The following IFT81 variants were observed in gnomAD, a reference collection of about 807,000 sequenced individuals.
The protein encoded by IFT81 is intraflagellar transport 81.
IFT81 carries 72 observed loss-of-function variants against 102.6 expected under a neutral mutation model. That is an observed-to-expected ratio of 0.70 (90% CI 0.58 to 0.85). The LOEUF is 0.85. Ranked by LOEUF, IFT81 falls within the 40% of genes least tolerant of loss-of-function variation. The pLI, the probability that IFT81 is intolerant of heterozygous loss-of-function variation, is 0.00. For missense variants in IFT81, 723 were observed against 787.3 expected (o/e 0.92, Z 0.98); for synonymous variants, 237 against 242.7 (o/e 0.98, Z 0.22).
chr12:110,167,290 G>A (rs934965493), intron 11 of IFT81, among the ~76,000 whole-genome samples: 1 of 152,102 alleles, frequency 6.6e-6, no homozygotes, highest in African/African-American at 2.4e-5. Flanking sequence ...CAGTACACAG[G>A]AATAAGCACA....
chr12:110,204,979 A>T (rs1177938831), intron 15 of IFT81: 2 of 154,748 alleles, frequency 1.3e-5, no homozygotes, highest in Non-Finnish European at 2.9e-5. Flanking sequence ...CATGCCTGTA[A>T]TCCCAGCACT....
In IFT81 at chr12:110,143,550, G is replaced by A; in HGVS notation, c.945+5G>A. On this transcript the variant is annotated splice_donor_5th_base_variant and intron_variant, in intron 9 of 18. Transcript: ENST00000242591. The stretch of plus-strand genomic sequence containing the variant: ...CTTCTTGAACTTGAATCTAAAGTAA[G>A]TGAGAATCATCTTTTTATAGCTCTC... 6.5e-7 allele frequency: 1 copy of A among 1,536,336 alleles called. No individual in the cohort carries two copies. The highest frequency in any genetic ancestry group is 8.7e-7 in the Non-Finnish European group (1 of 1,153,214).
intron 14 of IFT81, among the ~76,000 whole-genome samples, chr12:110,197,773 C>T (rs959927493): frequency 4.0e-5 from 6 of 151,764 alleles, no homozygotes; most frequent in African/African-American, 1.2e-4. Flanking sequence ...AGTGCAATGG[C>T]GCAACCTTGG....
chr12:110,127,273 C>T lies in IFT81; in HGVS notation c.-21-87C>T, dbSNP rs112257740. 6.2e-4 allele frequency: 745 copies of T among 1,192,350 alleles called. 2 individuals carry two copies. The African/African-American group carries it at 8.6e-3, about 14-fold the overall frequency. The allele number at this position is 1,192,350 out of a possible 1,614,324, so 73.9% of individuals were successfully genotyped here. On this transcript the variant is annotated intron_variant, in intron 1 of 18. Coordinates refer to ENST00000242591, the MANE Select transcript of IFT81 (RefSeq NM_014055.4). ...GCCATGTAAAATTATACTTTTCATG[C>T]CTACGTTGTATGAACTTAATTCTGG...
At chr12:110,156,180 A>G (rs1214093892) in intron 10 of IFT81, among the ~76,000 whole-genome samples, 1 of 152,236 alleles carries the variant, frequency 6.6e-6, no homozygotes. Flanking sequence ...AATTACAGTA[A>G]TACTAGCCAT....
chr12:110,145,725 G>A lies in IFT81; in HGVS notation c.946-1228G>A, dbSNP rs551735617. On this transcript the variant is annotated intron_variant, in intron 9 of 18. Transcript: ENST00000242591. ...GCTGGGATTACAGGTGTGAGCCACCGCGCCCAGGCCTGACTGTTTTATTCT... is the reference window on the plus strand; with the variant it reads ...GCTGGGATTACAGGTGTGAGCCACCACGCCCAGGCCTGACTGTTTTATTCT... Among the ~76,000 whole-genome samples the A allele has an allele frequency of 7.9e-5, 12 of 152,010 alleles. No homozygotes were observed. In the South Asian group the frequency reaches 1.0e-3, roughly 13 times the overall value.
chr12:110,165,778 C>T (rs1435439384), intron 11 of IFT81, among the ~76,000 whole-genome samples: 1 of 152,160 alleles, frequency 6.6e-6, no homozygotes, highest in East Asian at 1.9e-4. Context: ...AATTACTCGA[C>T]CTCCCTGAGG....
intron 5 of IFT81, among the ~76,000 whole-genome samples, chr12:110,134,487 G>C (rs1195973621): frequency 6.6e-6 from 1 of 152,014 alleles, no homozygotes; most frequent in Non-Finnish European, 1.5e-5. Context: ...GGAAAAACCA[G>C]GTACAAACTT....
intron 12 of IFT81, among the ~76,000 whole-genome samples, chr12:110,185,514 G>A (rs1002095728): frequency 6.6e-6 from 1 of 151,854 alleles, no homozygotes; most frequent in Non-Finnish European, 1.5e-5. Context: ...TTTTACTATT[G>A]CCGTGTCCTG....
At chr12:110,203,348 G>T in intron 14 of IFT81, 1 of 155,042 alleles carries the variant, frequency 6.4e-6, no homozygotes, top group Non-Finnish European at 1.4e-5. Context: ...GTTCTCTGTA[G>T]CTTTCAATCC....
At chr12:110,215,317 A>G (rs148867367) in intron 18 of IFT81, among the ~76,000 whole-genome samples, 11 of 151,948 alleles carry the variant, frequency 7.2e-5, no homozygotes, top group South Asian at 2.1e-4. Flanking sequence ...GTCGGTACAG[A>G]TATTTCCAAC....
At chr12:110,217,950 A>G in intron 18 of IFT81, 94 bp from the exon 19 acceptor site, 1 of 815,720 alleles carries the variant, frequency 1.2e-6, no homozygotes, top group African/African-American at 1.8e-5. Flanking sequence ...TTTTTTATCT[A>G]CTGTAGAAAA....
chr12:110,190,645 C>T (rs1171369364), intron 12 of IFT81, among the ~76,000 whole-genome samples: 1 of 151,964 alleles, frequency 6.6e-6, no homozygotes, highest in Admixed American at 6.6e-5. Context: ...ATTGAATGTA[C>T]CCTATGTTTT....
At chr12:110,203,790 G>A (rs1593370810) in intron 14 of IFT81, 74 bp from the exon 15 acceptor site, 2 of 908,576 alleles carry the variant, frequency 2.2e-6, no homozygotes, top group East Asian at 4.8e-5. Flanking sequence ...ACTGACAAGG[G>A]CATGCATTGT....
intron 6 of IFT81, 64 bp from the exon 7 acceptor site, chr12:110,135,263 A>G (rs1894415566): frequency 1.0e-6 from 1 of 1,001,580 alleles, no homozygotes; most frequent in South Asian, 1.5e-5. Flanking sequence ...TCTGAGTCAC[A>G]TGACATGCTA....
At chr12:110,152,523 C>T (rs1895598581) in intron 10 of IFT81, among the ~76,000 whole-genome samples, 1 of 151,726 alleles carries the variant, frequency 6.6e-6, no homozygotes, top group African/African-American at 2.4e-5. Context: ...AGTTGAGTTC[C>T]TTATATATTT....
intron 18 of IFT81, chr12:110,216,715 G>A: frequency 2.4e-6 from 1 of 413,326 alleles, no homozygotes; most frequent in Non-Finnish European, 4.8e-6. Flanking sequence ...TAGTACAGAT[G>A]GGATTTCACC....
chr12:110,165,714 G>A (rs890585765), intron 11 of IFT81, among the ~76,000 whole-genome samples: 12 of 152,220 alleles, frequency 7.9e-5, no homozygotes, highest in African/African-American at 2.9e-4. Flanking sequence ...CACACAGCTA[G>A]TAAGTGGCCA....
chr12:110,140,675 ATGAC>A (rs1304126564), intron 8 of IFT81, among the ~76,000 whole-genome samples: 2 of 152,132 alleles, frequency 1.3e-5, no homozygotes, highest in African/African-American at 2.4e-5. Context: ...CCACATAGGA[ATGAC>A]TGACTAATTA....
Sources: allele counts gnomAD v4.1 joint callset (sites outside exome capture counted in the v4.1 genomes callset), GRCh38; gene constraint gnomAD v4.1.1; transcripts MANE v1.5; gene names NCBI Gene and HGNC (gene_info 2026-07-23, HGNC 2026-07-21).